Variants in NDUFS2 observed in about 807,000 individuals in gnomAD.
NDUFS2 encodes NADH:ubiquinone oxidoreductase core subunit S2.
A neutral mutation model predicts 69.6 loss-of-function variants in NDUFS2; 38 were observed. That is an observed-to-expected ratio of 0.55 (90% CI 0.42 to 0.72). The LOEUF (loss-of-function observed/expected upper bound fraction) is 0.72, where lower values mean the gene tolerates loss of function less well. NDUFS2 is among the 30% of genes least tolerant of loss of function. The pLI is 0.00. For synonymous variants in NDUFS2, 194 were observed against 211.2 expected, an observed-to-expected ratio of 0.92 and a Z score of 0.70; for missense variants, 468 against 595.0, an observed-to-expected ratio of 0.79 and a Z score of 2.22.
chr1:161,211,547 G>A (rs973534027), intron 9 of NDUFS2, among the ~76,000 whole-genome samples: 2 of 152,158 alleles, frequency 1.3e-5, no homozygotes, highest in African/African-American at 4.8e-5. Flanking sequence ...CTACTTGGGA[G>A]GCTGAGGAAG....
chr1:161,209,365 T>C (rs751581342), intron 4 of NDUFS2, 52 bp downstream of exon 4: 35 of 1,612,996 alleles, frequency 2.2e-5, no homozygotes, highest in Non-Finnish European at 3.0e-5. Context: ...GCATAGTGCC[T>C]TTTCCACCAC....
In NDUFS2 at chr1:161,202,560, A is replaced by G. The variant is rs144012908; in HGVS notation, c.95+80A>G. Reference sequence around the variant, plus strand: ...TTGGGGACGCTTTACTCCCCCAGAAAATAATAACCCAAGCCTGTGACCCCA... The same window carrying G: ...TTGGGGACGCTTTACTCCCCCAGAAGATAATAACCCAAGCCTGTGACCCCA... On this transcript the variant is annotated intron_variant, in intron 1 of 13. Transcript: ENST00000676972. The G allele has an allele frequency of 4.4e-4, 601 of 1,360,556 alleles. 4 individuals carry two copies. In the East Asian group the frequency reaches 0.015, roughly 33 times the overall value. The allele number at this position is 1,360,556 out of a possible 1,614,324, so 84.3% of individuals were successfully genotyped here.
upstream of NDUFS2, chr1:161,197,994 C>T (rs1276500292): frequency 1.9e-6 from 3 of 1,555,186 alleles, no homozygotes; most frequent in Non-Finnish European, 2.6e-6. Context: ...GAGATGCCTA[C>T]CTTGGCTCTT....
upstream of NDUFS2, chr1:161,202,217 C>G: frequency 1.4e-6 from 1 of 690,302 alleles, no homozygotes; most frequent in Admixed American, 2.1e-5. Context: ...TATCTAAACG[C>G]AAGTGAAGCC....
chr1:161,204,272 G>C (rs1367610628), intron 2 of NDUFS2, among the ~76,000 whole-genome samples: 1 of 152,016 alleles, frequency 6.6e-6, no homozygotes, highest in Non-Finnish European at 1.5e-5. Context: ...TTTTGATTTT[G>C]ATCAGTGGCA....
At chr1:161,207,846 T>C (rs901937096) in intron 3 of NDUFS2, among the ~76,000 whole-genome samples, 1 of 150,828 alleles carries the variant, frequency 6.6e-6, no homozygotes, top group Non-Finnish European at 1.5e-5. Context: ...GGAGTCTCGC[T>C]CTGTCGCCCA....
chr1:161,198,829 C>T, upstream of NDUFS2: 1 of 514,986 alleles, frequency 1.9e-6, no homozygotes, highest in Non-Finnish European at 3.4e-6. The surrounding 1 kb of genome is among the most constrained non-coding windows in gnomAD (Gnocchi z 4.7). Context: ...GCCCAGGGGT[C>T]TGGCTTCTCC....
At chr1:161,198,471 T>C, upstream of NDUFS2, 2 of 1,569,822 alleles carry the variant, frequency 1.3e-6, no homozygotes, top group Non-Finnish European at 1.7e-6. This position sits in a 1 kb window ranked among gnomAD's most constrained non-coding sequence, Gnocchi z 4.7. Flanking sequence ...GGGAGGGGGC[T>C]GGCCAGCCGG....
upstream of NDUFS2, among the ~76,000 whole-genome samples, chr1:161,201,833 T>G (rs910414347): frequency 6.6e-5 from 10 of 152,126 alleles, no homozygotes; most frequent in African/African-American, 2.4e-4. Context: ...TGGCGGGAGC[T>G]CTCAGACCCG....
At chr1:161,202,552 C>T in intron 1 of NDUFS2, 72 bp downstream of exon 1, 4 of 1,423,130 alleles carry the variant, frequency 2.8e-6, no homozygotes, top group South Asian at 1.2e-5. Context: ...CGCTTTACTC[C>T]CCCAGAAAAT....
At chr1:161,207,745 A>T (rs1377791711) in intron 3 of NDUFS2, among the ~76,000 whole-genome samples, 1 of 143,070 alleles carries the variant, frequency 7.0e-6, no homozygotes, top group Non-Finnish European at 1.5e-5. Context: ...AAAAAAGATT[A>T]AAAAAAAAAA....
At chr1:161,209,757 GGGTT>G in intron 5 of NDUFS2, 96 bp from the exon 6 acceptor site, 1 of 1,349,070 alleles carries the variant, frequency 7.4e-7, no homozygotes, top group Non-Finnish European at 1.0e-6. Flanking sequence ...ATATCATGAG[GGGTT>G]GGTTGGGCAC....
chr1:161,204,798 G>A (rs1463717257), intron 2 of NDUFS2, among the ~76,000 whole-genome samples: 1 of 152,150 alleles, frequency 6.6e-6, no homozygotes, highest in Non-Finnish European at 1.5e-5. Flanking sequence ...GGATGCGGTG[G>A]CTCACACTTT....
intron 1 of NDUFS2, 110 bp from the exon 2 acceptor site, chr1:161,203,327 C>A: frequency 1.1e-6 from 1 of 942,874 alleles, no homozygotes; most frequent in Non-Finnish European, 1.7e-6. Flanking sequence ...AAAAACAAAA[C>A]AAAACAAAAA....
In NDUFS2 at chr1:161,213,698, G is replaced by T. The variant is rs1335942567; in HGVS notation, c.1262G>T (p.Arg421Leu). The stretch of plus-strand genomic sequence containing the variant: ...TCTGATGGCAGCAGCCGCCCTTATC[G>T]ATGCAAGATCAAGGCTCCTGGTTTT... The part of the protein sequence containing the change: ...LVSDGSSRPY[R>L]CKIKAPGFAH... The change falls in exon 12 of 14, where the codon CGA (arginine) becomes CTA (leucine). Residue 421 changes from arginine to leucine, a missense_variant. Arg to Leu is a moderately radical substitution (Grantham distance 102). Around this residue, in one of 3 missense-constraint regions of NDUFS2, gnomAD observed 72 missense variants for 118.9 expected, o/e 0.61. Coordinates refer to ENST00000676972, the MANE Select transcript of NDUFS2 (RefSeq NM_001377299.1). 6.2e-7 allele frequency: 1 copy of T among 1,614,040 alleles called. No homozygotes were observed.
intron 2 of NDUFS2, among the ~76,000 whole-genome samples, chr1:161,205,788 T>TG (rs1665429595): frequency 6.6e-6 from 1 of 150,692 alleles, no homozygotes. Context: ...AAAAAGGTAA[T>TG]CTTCTTGAGG....
At chr1:161,200,817 T>C (rs1399102153), upstream of NDUFS2, among the ~76,000 whole-genome samples, 1 of 151,688 alleles carries the variant, frequency 6.6e-6, no homozygotes, top group Non-Finnish European at 1.5e-5. Context: ...ACAAAGGGGG[T>C]GACTAAGCAA....
chr1:161,202,381 G>A lies in NDUFS2; in HGVS notation c.-5G>A, dbSNP rs1665177892. 1 of 1,610,570 alleles carries A rather than the reference G, an allele frequency of 6.2e-7. No individual in the cohort carries two copies. The highest frequency in any genetic ancestry group is 8.5e-7 in the Non-Finnish European group (1 of 1,178,788). On this transcript the variant is annotated 5_prime_UTR_variant, in exon 1 of 14. Coordinates refer to ENST00000676972, the MANE Select transcript of NDUFS2 (RefSeq NM_001377299.1). ...CTCCTTCCCGCAGTCTGCAGCCGGA[G>A]TAAGATGGCGGCGCTGAGGGCTTTG...
chr1:161,212,033 G>A (rs1225691636), intron 9 of NDUFS2, among the ~76,000 whole-genome samples: 2 of 152,046 alleles, frequency 1.3e-5, no homozygotes, highest in Non-Finnish European at 2.9e-5. Context: ...GGGCAGCAAA[G>A]TGAAACCTCG....
Sources: allele counts gnomAD v4.1 joint callset (sites outside exome capture counted in the v4.1 genomes callset), GRCh38; gene constraint gnomAD v4.1.1; regional missense constraint gnomAD v4.1.1; non-coding constraint Gnocchi (gnomAD v3.1); transcripts MANE v1.5; gene names NCBI Gene and HGNC (gene_info 2026-07-23, HGNC 2026-07-21).